FAM135B: variants seen among roughly 807,000 people sequenced by gnomAD.
The protein encoded by FAM135B is protein FAM135B.
A neutral mutation model predicts 127.7 loss-of-function variants in FAM135B; 43 were observed. The ratio of observed to expected loss-of-function variants is 0.34; its 90% CI spans 0.26 to 0.43. FAM135B has a LOEUF of 0.43. Ranked by LOEUF, FAM135B falls within the 20% of genes least tolerant of loss-of-function variation. The pLI, the probability that FAM135B is intolerant of heterozygous loss-of-function variation, is 1.00. For synonymous variants in FAM135B, 670 were observed against 665.1 expected (o/e 1.01, Z -0.11); for missense variants, 1,558 against 1,725.6 (o/e 0.90, Z 1.72).
intron 1 of FAM135B, among the ~76,000 whole-genome samples, chr8:138,379,191 A>T (rs969817379): frequency 1.5e-4 from 23 of 152,118 alleles, no homozygotes; most frequent in Non-Finnish European, 2.5e-4. Context: ...CTTTTTTTGG[A>T]GAGGCAATGT....
intron 7 of FAM135B, among the ~76,000 whole-genome samples, chr8:138,230,736 T>C (rs941615461): frequency 6.6e-6 from 1 of 152,192 alleles, no homozygotes; most frequent in Non-Finnish European, 1.5e-5. Flanking sequence ...GGGGACTATA[T>C]GTTTTTTAAA....
chr8:138,175,316 C>T (rs1343951881), intron 11 of FAM135B, among the ~76,000 whole-genome samples: 1 of 152,100 alleles, frequency 6.6e-6, no homozygotes, highest in Non-Finnish European at 1.5e-5. Context: ...CTACACTTGC[C>T]TTCTTGCTGA....
At chr8:138,206,296 T>A (rs1390857787) in intron 7 of FAM135B, among the ~76,000 whole-genome samples, 2 of 132,616 alleles carry the variant, frequency 1.5e-5, no homozygotes, top group Admixed American at 7.5e-5. Flanking sequence ...CACAGCTCTA[T>A]CATCCCCTCC....
intron 1 of FAM135B, among the ~76,000 whole-genome samples, chr8:138,492,411 G>A (rs1356650909): frequency 6.6e-6 from 1 of 151,862 alleles, no homozygotes; most frequent in Non-Finnish European, 1.5e-5. Flanking sequence ...CTCATTACCT[G>A]AAGTCAAGCA....
chr8:138,139,053 C>A lies in FAM135B; in HGVS notation c.3834G>T (p.Leu1278=), dbSNP rs116855100. 4.2e-3 allele frequency: 6,779 copies of A among 1,613,818 alleles called. 58 individuals carry two copies. Among genetic ancestry groups the A allele is most frequent in the South Asian group, 0.019 (1,753 of 91,066 alleles). The part of the protein sequence containing the change: ...MQKLKKSGSL[L]QLTFRDNADL... The stretch of plus-strand genomic sequence containing the variant: ...CAGCATTATCCCTGAAGGTCAGCTG[C>A]AGTAGAGACCCGGATTTCTTCAGTT... The change falls in exon 18 of 20, where the codon CTG becomes CTT. Residue 1278 remains leucine (L), a synonymous_variant. Transcript: ENST00000395297.
At chr8:138,232,189 A>T (rs1237545803) in intron 7 of FAM135B, among the ~76,000 whole-genome samples, 2 of 152,190 alleles carry the variant, frequency 1.3e-5, no homozygotes, top group Admixed American at 1.3e-4. Context: ...CTCACTCAGT[A>T]TGTATCTACT....
At chr8:138,367,128 C>G (rs369031547) in intron 2 of FAM135B, among the ~76,000 whole-genome samples, 7 of 152,134 alleles carry the variant, frequency 4.6e-5, no homozygotes, top group African/African-American at 7.2e-5. Flanking sequence ...TAGAAAAGTT[C>G]GTTATGCAAC....
At chr8:138,223,726 G>A (rs909973546) in intron 7 of FAM135B, among the ~76,000 whole-genome samples, 2 of 152,180 alleles carry the variant, frequency 1.3e-5, no homozygotes, top group African/African-American at 4.8e-5. Context: ...TTGCAGAAAT[G>A]TGTTAAACTC....
At chr8:138,355,055 C>T (rs951895816) in intron 2 of FAM135B, among the ~76,000 whole-genome samples, 3 of 152,128 alleles carry the variant, frequency 2.0e-5, no homozygotes, top group Non-Finnish European at 2.9e-5. Context: ...GTTCCCCTTC[C>T]TGTGTCCAAG....
intron 2 of FAM135B, among the ~76,000 whole-genome samples, chr8:138,320,620 G>C (rs1827386586): frequency 6.6e-6 from 1 of 152,194 alleles, no homozygotes; most frequent in Admixed American, 6.5e-5. Flanking sequence ...GTGCCAGAGA[G>C]AGAAAAGCAA....
intron 1 of FAM135B, among the ~76,000 whole-genome samples, chr8:138,420,828 TA>T (rs1294120438): frequency 6.6e-6 from 1 of 152,152 alleles, no homozygotes; most frequent in Non-Finnish European, 1.5e-5. Flanking sequence ...AACTAGGAAT[TA>T]AAGGAGCATA....
chr8:138,224,399 G>A (rs1372159617), intron 7 of FAM135B, among the ~76,000 whole-genome samples: 1 of 152,036 alleles, frequency 6.6e-6, no homozygotes, highest in Non-Finnish European at 1.5e-5. Flanking sequence ...CACAGACAAC[G>A]CAAGAGGGGC....
chr8:138,492,206 G>A (rs1815230931), intron 1 of FAM135B, among the ~76,000 whole-genome samples: 2 of 151,948 alleles, frequency 1.3e-5, no homozygotes, highest in African/African-American at 2.4e-5. Flanking sequence ...GTGGGAGGAT[G>A]GAAAGAAAGC....
chr8:138,417,984 T>C (rs1563985269), intron 1 of FAM135B, among the ~76,000 whole-genome samples: 2 of 152,194 alleles, frequency 1.3e-5, no homozygotes, highest in East Asian at 1.9e-4. Flanking sequence ...ATTCAGAATC[T>C]GGATGATAAT....
chr8:138,143,391 TC>T (rs1817383798), intron 15 of FAM135B, among the ~76,000 whole-genome samples: 1 of 152,188 alleles, frequency 6.6e-6, no homozygotes, highest in African/African-American at 2.4e-5. Context: ...GCCTGGCGTG[TC>T]AGCGTGACAC....
chr8:138,469,360 T>G (rs1185262351), intron 1 of FAM135B, among the ~76,000 whole-genome samples: 2 of 152,038 alleles, frequency 1.3e-5, no homozygotes, highest in East Asian at 3.9e-4. Flanking sequence ...CAGAAGACAA[T>G]TTTTTACAAG....
At chr8:138,451,286 T>C (rs1836465006) in intron 1 of FAM135B, among the ~76,000 whole-genome samples, 2 of 152,216 alleles carry the variant, frequency 1.3e-5, no homozygotes, top group Non-Finnish European at 2.9e-5. Context: ...AGTTGCATTC[T>C]TGTTTGCTAC....
intron 12 of FAM135B, among the ~76,000 whole-genome samples, chr8:138,164,181 C>T (rs1819679292): frequency 6.6e-6 from 1 of 152,150 alleles, no homozygotes; most frequent in African/African-American, 2.4e-5. Context: ...AAAGAATCAT[C>T]AAAATGCTTT....
intron 2 of FAM135B, among the ~76,000 whole-genome samples, chr8:138,348,127 C>CTTTTTTTTTT (rs58289442): frequency 5.7e-5 from 3 of 52,840 alleles, no homozygotes; most frequent in African/African-American, 8.3e-5. Context: ...TTTTCCTCCT[C>CTTTTTTTTTT]TTTTTTTTTT....
Sources: allele counts gnomAD v4.1 joint callset (sites outside exome capture counted in the v4.1 genomes callset), GRCh38; gene constraint gnomAD v4.1.1; transcripts MANE v1.5; gene names NCBI Gene and HGNC (gene_info 2026-07-23, HGNC 2026-07-21).